LRRC4C: variants seen among roughly 807,000 people sequenced by gnomAD.
The protein encoded by LRRC4C is leucine rich repeat containing 4C, also known as leucine-rich repeat-containing protein 4C.
In LRRC4C, 5 loss-of-function variants were observed where a neutral mutation model predicts 33.6. The observed-to-expected ratio is 0.15, with a 90% CI of 0.08 to 0.31. The LOEUF is 0.31. LRRC4C is among the 10% of genes least tolerant of loss of function. LRRC4C has a pLI of 1.00. For missense variants in LRRC4C, 560 were observed against 796.7 expected, an observed-to-expected ratio of 0.70 and a Z score of 3.58; for synonymous variants, 329 against 302.0, an observed-to-expected ratio of 1.09 and a Z score of -0.93.
chr11:41,358,705 G>A (rs114661752), intron 1 of LRRC4C, among the ~76,000 whole-genome samples: 1,724 of 152,142 alleles, frequency 0.011, 37 homozygotes, highest in African/African-American at 0.038. Context: ...TATTAGAATG[G>A]CCCAAATCTG....
chr11:40,907,999 A>G (rs1956498291), intron 2 of LRRC4C, among the ~76,000 whole-genome samples: 2 of 152,190 alleles, frequency 1.3e-5, no homozygotes, highest in African/African-American at 2.4e-5. Context: ...TATGAAACAT[A>G]GGTATTGTTG....
intron 1 of LRRC4C, among the ~76,000 whole-genome samples, chr11:41,303,293 T>C (rs1775508240): frequency 7.2e-6 from 1 of 139,170 alleles, no homozygotes; most frequent in Non-Finnish European, 1.6e-5. Flanking sequence ...TTCGCTGTGT[T>C]GGCCGGGCCG....
intron 1 of LRRC4C, among the ~76,000 whole-genome samples, chr11:41,338,906 T>C: frequency 6.6e-6 from 1 of 152,062 alleles, no homozygotes; most frequent in East Asian, 1.9e-4. Context: ...TTCTGTAATA[T>C]TGACATGGAA....
intron 3 of LRRC4C, among the ~76,000 whole-genome samples, chr11:40,380,901 A>T (rs540882428): frequency 5.3e-5 from 8 of 152,208 alleles, no homozygotes; most frequent in African/African-American, 9.6e-5. Flanking sequence ...AAGAAAAATG[A>T]TCTTCTACCT....
intron 1 of LRRC4C, among the ~76,000 whole-genome samples, chr11:41,249,523 C>T (rs886192380): frequency 1.4e-4 from 22 of 152,138 alleles, no homozygotes; most frequent in Non-Finnish European, 2.9e-5. Context: ...AGAAAACTTA[C>T]CATGACTTAT....
chr11:40,834,508 GA>G (rs1952570174), intron 2 of LRRC4C, among the ~76,000 whole-genome samples: 1 of 151,054 alleles, frequency 6.6e-6, no homozygotes, highest in East Asian at 1.9e-4. Flanking sequence ...TATATCTCTT[GA>G]AATCCAATAT....
chr11:40,987,970 A>G (rs1320298452), intron 1 of LRRC4C, among the ~76,000 whole-genome samples: 1 of 152,040 alleles, frequency 6.6e-6, no homozygotes, highest in Non-Finnish European at 1.5e-5. Context: ...TAAAAAACCC[A>G]GCTGAACTCT....
intron 6 of LRRC4C, among the ~76,000 whole-genome samples, chr11:40,137,704 C>G (rs771928751): frequency 4.1e-4 from 63 of 152,282 alleles, no homozygotes; most frequent in Non-Finnish European, 7.5e-4. Context: ...GGTAAAACCT[C>G]AGCTTCCTCA....
chr11:41,130,781 T>G (rs1942975038), intron 1 of LRRC4C, among the ~76,000 whole-genome samples: 1 of 151,998 alleles, frequency 6.6e-6, no homozygotes, highest in African/African-American at 2.4e-5. Flanking sequence ...TTAGAAACAT[T>G]TTTGAAGCAA....
intron 1 of LRRC4C, among the ~76,000 whole-genome samples, chr11:40,955,008 T>C (rs1186184098): frequency 1.3e-5 from 2 of 151,844 alleles, no homozygotes; most frequent in Non-Finnish European, 2.9e-5. Context: ...TTGCTTTCCT[T>C]GCACAGCCCC....
chr11:40,428,322 T>C (rs1287344369), intron 3 of LRRC4C, among the ~76,000 whole-genome samples: 1 of 152,170 alleles, frequency 6.6e-6, no homozygotes, highest in Non-Finnish European at 1.5e-5. Context: ...TCCAAAAGGA[T>C]TTTATAACTT....
rs35416837 is a variant in LRRC4C, at chr11:40,937,603, A to ATGTGTGTGTGTG, written c.-495-3892_-495-3881dup. Reference sequence around the variant, plus strand: ...ATTCACTCTTCTTGAGTGTGTGTATATGTGTGTGTGTGTGTGTGTGTGTGT... The same window carrying ATGTGTGTGTGTG: ...ATTCACTCTTCTTGAGTGTGTGTATATGTGTGTGTGTGTGTGTGTGTGTGTGTGTGTGTGTGT... On this transcript the variant is annotated intron_variant, in intron 1 of 6. Coordinates refer to ENST00000528697, the MANE Select transcript of LRRC4C (RefSeq NM_001258419.2). Among the ~76,000 whole-genome samples the ATGTGTGTGTGTG allele has an allele frequency of 3.1e-3, 422 of 135,998 alleles. 4 individuals are homozygous for ATGTGTGTGTGTG. The highest frequency in any genetic ancestry group is 0.011 in the African/African-American group (383 of 34,494). 89.2% of individuals were successfully genotyped at this position (135,998 alleles called of 152,430 possible).
At chr11:41,169,060 C>T (rs1282814267) in intron 1 of LRRC4C, among the ~76,000 whole-genome samples, 3 of 152,138 alleles carry the variant, frequency 2.0e-5, no homozygotes, top group South Asian at 2.1e-4. Context: ...CAGCATTACA[C>T]GAAGTATTTT....
At chr11:40,765,027 A>G (rs1164421359) in intron 2 of LRRC4C, among the ~76,000 whole-genome samples, 1 of 152,164 alleles carries the variant, frequency 6.6e-6, no homozygotes, top group Admixed American at 6.5e-5. Flanking sequence ...CAGTGCTCAG[A>G]TACTGACAAA....
chr11:41,080,573 GA>G (rs1297003214), intron 1 of LRRC4C, among the ~76,000 whole-genome samples: 1 of 151,908 alleles, frequency 6.6e-6, no homozygotes, highest in Non-Finnish European at 1.5e-5. Flanking sequence ...GGCTGGTCTC[GA>G]ACTCCCGACC....
Position 41,419,155 on chromosome 11 carries a change from C to T in LRRC4C, c.-496+40276G>A, listed in dbSNP as rs551708594. Among the ~76,000 whole-genome samples, 140 of 151,922 alleles carry T rather than the reference C, an allele frequency of 9.2e-4. 1 individual carries two copies. The highest frequency in any genetic ancestry group is 3.3e-3 in the African/African-American group (137 of 41,470). On this transcript the variant is annotated intron_variant, in intron 1 of 6. Transcript: ENST00000528697. ...ATACAAACTTCCTGTCCCTGAACTCCACCCTTCCACTTGACTATATTTGTA... is the reference window on the plus strand; with the variant it reads ...ATACAAACTTCCTGTCCCTGAACTCTACCCTTCCACTTGACTATATTTGTA...
intron 4 of LRRC4C, among the ~76,000 whole-genome samples, chr11:40,249,787 A>T (rs943807349): frequency 5.0e-4 from 76 of 152,008 alleles, no homozygotes; most frequent in Non-Finnish European, 8.2e-4. Flanking sequence ...ATCCATTCAT[A>T]AAAAAAGTGA....
At chr11:40,574,693 G>C (rs1958114484) in intron 3 of LRRC4C, among the ~76,000 whole-genome samples, 1 of 152,182 alleles carries the variant, frequency 6.6e-6, no homozygotes, top group Non-Finnish European at 1.5e-5. Flanking sequence ...TGGGGGTGGA[G>C]CTGGCTCCAA....
At chr11:40,560,281 T>C (rs1230314665) in intron 3 of LRRC4C, among the ~76,000 whole-genome samples, 3 of 102,620 alleles carry the variant, frequency 2.9e-5, no homozygotes, top group Non-Finnish European at 6.4e-5. Context: ...AAGATGCTGA[T>C]GTACACAGCA....
Sources: allele counts gnomAD v4.1 joint callset (sites outside exome capture counted in the v4.1 genomes callset), GRCh38; gene constraint gnomAD v4.1.1; transcripts MANE v1.5; gene names NCBI Gene and HGNC (gene_info 2026-07-23, HGNC 2026-07-21).